The following OTUD7A variants were observed in gnomAD, a reference collection of about 807,000 sequenced individuals.
OTUD7A encodes the protein OTU domain-containing protein 7A.
OTUD7A carries 12 observed loss-of-function variants against 65.7 expected under a neutral mutation model. The observed-to-expected ratio is 0.18, with a 90% CI of 0.12 to 0.30. The LOEUF is 0.30. OTUD7A is among the 10% of genes least tolerant of loss of function. The pLI, the probability that OTUD7A is intolerant of heterozygous loss-of-function variation, is 1.00. For synonymous variants in OTUD7A, 641 were observed against 586.3 expected (o/e 1.09, Z -1.35); for missense variants, 1,148 against 1,304.8 (o/e 0.88, Z 1.85).
At chr15:31,792,117 C>T (rs1895833478) in intron 1 of OTUD7A, among the ~76,000 whole-genome samples, 1 of 152,164 alleles carries the variant, frequency 6.6e-6, no homozygotes, top group South Asian at 2.1e-4. Flanking sequence ...ATTTCTCGTC[C>T]GCTCCTCAGC....
At chr15:31,551,110 TACTC>T (rs61236390) in intron 5 of OTUD7A, among the ~76,000 whole-genome samples, 7,806 of 152,184 alleles carry the variant, frequency 0.051, 219 homozygotes, top group Non-Finnish European at 0.058. Flanking sequence ...TTAAGACTCT[TACTC>T]AGTTGAGAGC....
In OTUD7A at chr15:31,603,406, A is replaced by C. The variant is rs2141213351; in HGVS notation, c.152-33209T>G. ...GGCTAGCCATATGCAGAAAACTGAA[A>C]CTGGACCCCTTCCTTACACCTTACA... On this transcript the variant is annotated intron_variant, in intron 3 of 12. Coordinates refer to ENST00000307050, the MANE Select transcript of OTUD7A (RefSeq NM_001382637.1). Among the ~76,000 whole-genome samples, 3 of 152,318 alleles carry C rather than the reference A, an allele frequency of 2.0e-5. No homozygotes were observed. The South Asian group carries it at 6.2e-4, about 32-fold the overall frequency.
intron 3 of OTUD7A, among the ~76,000 whole-genome samples, chr15:31,617,823 C>T (rs1890640440): frequency 6.6e-6 from 1 of 152,036 alleles, no homozygotes; most frequent in African/African-American, 2.4e-5. Flanking sequence ...TACATGTGCA[C>T]AACATGCAGG....
chr15:31,747,105 G>A (rs1321903954), intron 1 of OTUD7A, among the ~76,000 whole-genome samples: 1 of 152,036 alleles, frequency 6.6e-6, no homozygotes, highest in Non-Finnish European at 1.5e-5. Context: ...ACCACTTTCT[G>A]TGTATTCTAG....
intron 1 of OTUD7A, among the ~76,000 whole-genome samples, chr15:31,708,797 C>T (rs1294517666): frequency 2.6e-5 from 4 of 151,360 alleles, no homozygotes; most frequent in Non-Finnish European, 5.9e-5. Context: ...CTGTCACGGA[C>T]AAGGGGACTT....
intron 3 of OTUD7A, among the ~76,000 whole-genome samples, chr15:31,625,405 C>A (rs1890922275): frequency 6.6e-6 from 1 of 150,598 alleles, no homozygotes. Context: ...CTAAACATTC[C>A]TGATTTAAAA....
intron 1 of OTUD7A, among the ~76,000 whole-genome samples, chr15:31,798,223 CA>C (rs1896024883): frequency 6.6e-6 from 1 of 152,114 alleles, no homozygotes; most frequent in Non-Finnish European, 1.5e-5. Flanking sequence ...GTGGGGGTCC[CA>C]ATTTAGTCCA....
chr15:31,779,087 G>A (rs1272557279), intron 1 of OTUD7A, among the ~76,000 whole-genome samples: 2 of 152,128 alleles, frequency 1.3e-5, no homozygotes, highest in Non-Finnish European at 2.9e-5. Context: ...CAGAGCTTGG[G>A]TCACATTTTA....
chr15:31,850,903 CA>C (rs1897408743), intron 1 of OTUD7A, among the ~76,000 whole-genome samples: 1 of 152,186 alleles, frequency 6.6e-6, no homozygotes, highest in South Asian at 2.1e-4. Flanking sequence ...AAAACAAAAG[CA>C]GCAGTAATTC....
intron 1 of OTUD7A, among the ~76,000 whole-genome samples, chr15:31,787,273 G>A (rs546715250): frequency 6.6e-6 from 1 of 152,292 alleles, no homozygotes; most frequent in Admixed American, 6.5e-5. Context: ...TCACCAAGTA[G>A]GGCTAATTGG....
rs1295634672 is a variant in OTUD7A at position 31,766,488 on chromosome 15, CAG to C, written c.-100+104017_-100+104018del. 6.2e-5 allele frequency: 99 copies of C among 1,603,622 alleles called. No individual in the cohort carries two copies. In the South Asian group the frequency reaches 7.2e-4, roughly 12 times the overall value. ...TTCTGAAAGTTCTATTGTACTTTTG[CAG>C]AGTCTTTTATTGATTGTGGCACTAG... is the stretch of plus-strand genomic sequence containing the variant. On this transcript the variant is annotated intron_variant, in intron 1 of 12. Coordinates refer to ENST00000307050, the MANE Select transcript of OTUD7A (RefSeq NM_001382637.1).
intron 3 of OTUD7A, among the ~76,000 whole-genome samples, chr15:31,654,081 C>T (rs376269572): frequency 1.9e-4 from 17 of 91,384 alleles, no homozygotes; most frequent in East Asian, 1.7e-3. Flanking sequence ...ATTTCACTGC[C>T]GACCTTATTC....
intron 5 of OTUD7A, among the ~76,000 whole-genome samples, chr15:31,536,510 A>G (rs927554500): frequency 2.0e-5 from 3 of 152,252 alleles, no homozygotes; most frequent in African/African-American, 7.2e-5. Context: ...GAAATTATAA[A>G]AGCATTTTAA....
intron 1 of OTUD7A, among the ~76,000 whole-genome samples, chr15:31,759,149 T>C (rs1894892574): frequency 6.6e-6 from 1 of 152,162 alleles, no homozygotes; most frequent in African/African-American, 2.4e-5. Flanking sequence ...GCTCTGTATT[T>C]CCAGGCCTCG....
At chr15:31,573,518 C>G (rs1260222350) in intron 3 of OTUD7A, among the ~76,000 whole-genome samples, 1 of 152,144 alleles carries the variant, frequency 6.6e-6, no homozygotes, top group East Asian at 1.9e-4. Flanking sequence ...GAAAATGACA[C>G]AATCAACAAA....
intron 1 of OTUD7A, among the ~76,000 whole-genome samples, chr15:31,719,896 T>C (rs1378045871): frequency 7.2e-5 from 11 of 151,874 alleles, no homozygotes; most frequent in Admixed American, 5.9e-4. Flanking sequence ...CCTCTGACCA[T>C]ACACACTCCA....
chr15:31,765,131 C>T (rs2140907583), intron 1 of OTUD7A, among the ~76,000 whole-genome samples: 1 of 151,956 alleles, frequency 6.6e-6, no homozygotes, highest in Non-Finnish European at 1.5e-5. Flanking sequence ...AATTAGAATT[C>T]AAAATATATA....
intron 1 of OTUD7A, among the ~76,000 whole-genome samples, chr15:31,822,132 C>A (rs531560066): frequency 1.3e-5 from 2 of 152,196 alleles, no homozygotes; most frequent in South Asian, 4.1e-4. Context: ...ATATTTATTT[C>A]TTCTCTTGTT....
intron 5 of OTUD7A, among the ~76,000 whole-genome samples, chr15:31,537,552 C>T (rs372469130): frequency 1.1e-4 from 17 of 152,364 alleles, no homozygotes; most frequent in African/African-American, 2.4e-4. Flanking sequence ...GGAAAAAACA[C>T]GCAGTTACTT....
Sources: allele counts gnomAD v4.1 joint callset (sites outside exome capture counted in the v4.1 genomes callset), GRCh38; gene constraint gnomAD v4.1.1; transcripts MANE v1.5; gene names NCBI Gene and HGNC (gene_info 2026-07-23, HGNC 2026-07-21).